Variants in HM13 observed in about 807,000 individuals in gnomAD.
HM13 encodes histocompatibility minor 13.
Under a neutral mutation model 50.0 loss-of-function variants are expected in HM13, and 18 were observed. That is an observed-to-expected ratio of 0.36 (90% confidence interval 0.25 to 0.53). The LOEUF is 0.53. HM13 is among the 20% of genes least tolerant of loss of function. The pLI is 0.90. For synonymous variants in HM13, 197 were observed against 232.6 expected, an observed-to-expected ratio of 0.85 and a Z score of 1.39; for missense variants, 393 against 552.4, an observed-to-expected ratio of 0.71 and a Z score of 2.89.
At chr20:31,523,581 A>C (rs1267622653) in intron 1 of HM13, among the ~76,000 whole-genome samples, 1 of 152,176 alleles carries the variant, frequency 6.6e-6, no homozygotes, top group Non-Finnish European at 1.5e-5. Flanking sequence ...TGTGCATTCC[A>C]TAAAATAGAA....
chr20:31,536,860 G>A (rs909877298), intron 2 of HM13, among the ~76,000 whole-genome samples: 1 of 152,320 alleles, frequency 6.6e-6, no homozygotes. Context: ...GCCCTGGTTT[G>A]CTTTTCTTAG....
intron 2 of HM13, among the ~76,000 whole-genome samples, chr20:31,531,571 C>G (rs1474041200): frequency 2.0e-5 from 3 of 151,908 alleles, no homozygotes; most frequent in Admixed American, 2.0e-4. Context: ...TATAAATCCT[C>G]TTTTTTTGTT....
At chr20:31,556,095 G>A (rs371962933) in intron 8 of HM13, among the ~76,000 whole-genome samples, 13 of 149,366 alleles carry the variant, frequency 8.7e-5, no homozygotes, top group Non-Finnish European at 1.8e-4. Context: ...GCAATAACGC[G>A]ATCTCGGCTC....
intron 2 of HM13, among the ~76,000 whole-genome samples, chr20:31,537,756 C>T (rs1983195847): frequency 6.6e-6 from 1 of 152,270 alleles, no homozygotes; most frequent in South Asian, 2.1e-4. Context: ...AGCATGCTTG[C>T]GGCCTGGGTG....
Position 31,545,011 on chromosome 20 carries a change from C to G in HM13, c.430C>G (p.Gln144Glu). 1.2e-6 allele frequency: 2 copies of G among 1,614,218 alleles called. No homozygotes were observed. The highest frequency in any genetic ancestry group is 1.7e-6 in the Non-Finnish European group (2 of 1,180,002). Reference sequence around the variant, plus strand: ...TCGACAGTACCAGCTGCTCTTCACACAGGGTTCTGGGGAAAACAAGGAAGG... The same window carrying G: ...TCGACAGTACCAGCTGCTCTTCACAGAGGGTTCTGGGGAAAACAAGGAAGG... ...PNRQYQLLFT[Q>E]GSGENKEEII... Residue 144 changes from glutamine to glutamate, a missense_variant, in exon 4 of 13, where the codon CAG becomes GAG. Coordinates refer to ENST00000398174, the MANE Select transcript of HM13 (RefSeq NM_178581.3).
At chr20:31,564,382 G>C (rs1014641542) in intron 10 of HM13, among the ~76,000 whole-genome samples, 3 of 152,066 alleles carry the variant, frequency 2.0e-5, no homozygotes, top group Non-Finnish European at 4.4e-5. Context: ...TTCAAGACCA[G>C]CCTGGGGAAA....
intron 1 of HM13, among the ~76,000 whole-genome samples, chr20:31,523,655 G>A (rs904962441): frequency 2.0e-5 from 3 of 152,214 alleles, no homozygotes; most frequent in Admixed American, 2.0e-4. Context: ...AGTGTTTCAA[G>A]ATCAGGAACT....
intron 10 of HM13, 29 bp from the exon 11 acceptor site, chr20:31,566,181 T>C (rs765107716): frequency 4.4e-6 from 7 of 1,586,102 alleles, no homozygotes; most frequent in African/African-American, 4.0e-5. Flanking sequence ...GTGCCCAGCA[T>C]GGCTTCACCA....
chr20:31,536,364 G>A (rs529097759), intron 2 of HM13, among the ~76,000 whole-genome samples: 5 of 151,934 alleles, frequency 3.3e-5, no homozygotes, highest in Admixed American at 6.6e-5. Context: ...ACTCCATCTC[G>A]GGGAGGGTGG....
chr20:31,539,590 T>C lies in HM13; in HGVS notation c.365+1329T>C, dbSNP rs544338548. On this transcript the variant is annotated intron_variant, in intron 3 of 12. Transcript: ENST00000398174. The stretch of plus-strand genomic sequence containing the variant: ...GCAGGCGGATCACAAGGTCAGGAGA[T>C]TGAGACCATCCTGGCCAACATGGTG... 60 of 731,824 alleles carry C rather than the reference T, an allele frequency of 8.2e-5. No individual in the cohort carries two copies. In the African/African-American group the frequency reaches 1.1e-3, roughly 13 times the overall value. The allele number at this position is 731,824 out of a possible 1,614,324, so 45.3% of individuals were successfully genotyped here. A position where few individuals can be genotyped will look rare whatever the true frequency, so the allele number is the denominator to read the frequency against.
chr20:31,527,573 CT>C lies in HM13; in HGVS notation c.278del (p.Phe93SerfsTer33). On this transcript the variant is annotated frameshift_variant, in exon 2 of 13. Transcript: ENST00000398174. LOFTEE classifies it high-confidence loss of function. ...GCTGCACACTCTTGGGGCTCTACCT[CT>C]TTTTCAAAGTAAGTCTTTTGCCACC... ...ASCTLLGLYLFFKIFSQEYIN... is the reference protein window; with the variant it reads ...ASCTLLGLYLXFKIFSQEYIN... 2 of 1,611,036 alleles carry C rather than the reference CT, an allele frequency of 1.2e-6. No individual in the cohort carries two copies. Among genetic ancestry groups the C allele is most frequent in the Non-Finnish European group, 1.7e-6 (2 of 1,178,248 alleles).
At chr20:31,551,493 C>G (rs1568794335) in intron 7 of HM13, among the ~76,000 whole-genome samples, 1 of 152,164 alleles carries the variant, frequency 6.6e-6, no homozygotes, top group South Asian at 2.1e-4. Context: ...CTTTATTGGC[C>G]AAAACTGTGT....
In HM13 at chr20:31,569,223, A is replaced by G. The variant is rs4607; in HGVS notation, c.*4A>G. On this transcript the variant is annotated 3_prime_UTR_variant, in exon 13 of 13. Coordinates refer to ENST00000398174, the MANE Select transcript of HM13 (RefSeq NM_178581.3). Reference sequence around the variant, plus strand: ...GCTGGAGAAGAAAGAGAAATGATGCAGCTGGTGCCCGAGCCTCTCAGGGCC... The same window carrying G: ...GCTGGAGAAGAAAGAGAAATGATGCGGCTGGTGCCCGAGCCTCTCAGGGCC... The G allele has an allele frequency of 0.17, 267,335 of 1,557,926 alleles. 35,262 individuals carry two copies. The highest frequency in any genetic ancestry group is 0.7 in the African/African-American group (50,542 of 72,534).
intron 1 of HM13, among the ~76,000 whole-genome samples, chr20:31,521,561 C>T (rs998243048): frequency 4.6e-5 from 7 of 152,140 alleles, no homozygotes; most frequent in Non-Finnish European, 8.8e-5. Flanking sequence ...AACCCTGTCT[C>T]TACTAAAAAT....
intron 7 of HM13, among the ~76,000 whole-genome samples, chr20:31,551,356 G>A (rs903039011): frequency 2.6e-5 from 4 of 152,034 alleles, no homozygotes; most frequent in Admixed American, 1.3e-4. Flanking sequence ...TCCCTTCATG[G>A]TCCCAAGATG....
chr20:31,527,526 G>GCCCGCTTCCCC lies in HM13; in HGVS notation c.227_237dup (p.Ile80ProfsTer50). On this transcript the variant is annotated frameshift_variant, in exon 2 of 13. Transcript: ENST00000398174. LOFTEE classifies it high-confidence loss of function. Reference sequence around the variant, plus strand: ...TGAAACAATCACCAGCCGGGATGCCGCCCGCTTCCCCATCATCGCCAGCTG... The same window carrying GCCCGCTTCCCC: ...TGAAACAATCACCAGCCGGGATGCCGCCCGCTTCCCCCCCGCTTCCCCATCATCGCCAGCTG... 6.2e-7 allele frequency: 1 copy of GCCCGCTTCCCC among 1,613,946 alleles called. No individual in the cohort carries two copies. The highest frequency in any genetic ancestry group is 8.5e-7 in the Non-Finnish European group (1 of 1,179,928).
At chr20:31,555,538 C>CT (rs1453523096) in intron 8 of HM13, among the ~76,000 whole-genome samples, 2 of 152,154 alleles carry the variant, frequency 1.3e-5, no homozygotes, top group African/African-American at 4.8e-5. Context: ...AGGAAAGAGA[C>CT]TAAGGGCAAA....
intron 8 of HM13, among the ~76,000 whole-genome samples, chr20:31,556,749 G>A (rs762455027): frequency 1.8e-4 from 28 of 151,836 alleles, no homozygotes; most frequent in Admixed American, 1.6e-3. Context: ...GGCCGGGCAC[G>A]GTGGCTTAAG....
At chr20:31,539,115 TG>T in intron 3 of HM13, 6 of 985,440 alleles carry the variant, frequency 6.1e-6, no homozygotes, top group Non-Finnish European at 7.2e-6. Context: ...GTCCTTTCAG[TG>T]GGGAGAGTGG....
Sources: allele counts gnomAD v4.1 joint callset (sites outside exome capture counted in the v4.1 genomes callset), GRCh38; gene constraint gnomAD v4.1.1; transcripts MANE v1.5; gene names NCBI Gene and HGNC (gene_info 2026-07-23, HGNC 2026-07-21).